Variants in SH3KBP1 observed in about 807,000 individuals in gnomAD.
SH3KBP1 encodes SH3 domain-containing kinase-binding protein 1.
In SH3KBP1, 8 loss-of-function variants were observed where a neutral mutation model predicts 50.1. That is an observed-to-expected ratio of 0.16 (90% CI 0.09 to 0.29). The LOEUF is 0.29. SH3KBP1 is among the 10% of genes least tolerant of loss of function. SH3KBP1 has a pLI of 1.00. For synonymous variants in SH3KBP1, 227 were observed against 218.6 expected, an observed-to-expected ratio of 1.04 and a Z score of -0.34; for missense variants, 377 against 535.2, an observed-to-expected ratio of 0.70 and a Z score of 2.92.
intron 3 of SH3KBP1, among the ~76,000 whole-genome samples, chrX:19,715,422 T>C (rs759901899): frequency 1.2e-3 from 130 of 111,888 alleles, no homozygotes; most frequent in South Asian, 8.5e-3. Context: ...TTCACTGTAC[T>C]ATTGTTTCAA....
intron 8 of SH3KBP1, among the ~76,000 whole-genome samples, chrX:19,618,067 C>T (rs747790723): frequency 9.9e-5 from 11 of 111,296 alleles, no homozygotes; most frequent in South Asian, 3.8e-4. Flanking sequence ...CCTCTGTGTG[C>T]TCAGCCTGTT....
chrX:19,864,122 C>T lies in SH3KBP1; in HGVS notation c.4+23185G>A, dbSNP rs1043652072. ...TGGGATCATCAAAACTCCAGGACCA[C>T]CCTACAGAGAAACAAGGTATCTGAC... On this transcript the variant is annotated intron_variant, in intron 1 of 17. Transcript: ENST00000397821. 4.5e-5 allele frequency among the ~76,000 whole-genome samples: 5 copies of T among 111,365 alleles called. No homozygotes were observed. In the Admixed American group the frequency reaches 4.8e-4, roughly 11 times the overall value.
chrX:19,723,781 CAG>C (rs2064141387), intron 3 of SH3KBP1, among the ~76,000 whole-genome samples: 1 of 111,353 alleles, frequency 9.0e-6, no homozygotes, highest in South Asian at 3.8e-4. Flanking sequence ...TTTAAAAGAG[CAG>C]AGAGGTGTAA....
At chrX:19,611,597 G>A (rs2067418858) in intron 8 of SH3KBP1, among the ~76,000 whole-genome samples, 2 of 110,740 alleles carry the variant, frequency 1.8e-5, no homozygotes, top group Non-Finnish European at 1.9e-5. Context: ...CAGGTGATTC[G>A]CCCACCTTGG....
intron 2 of SH3KBP1, among the ~76,000 whole-genome samples, chrX:19,796,084 A>C (rs1305348909): frequency 1.8e-5 from 2 of 111,907 alleles, no homozygotes; most frequent in East Asian, 5.6e-4. Context: ...GGCATCACAC[A>C]CAGTGAAGGC....
At chrX:19,862,592 T>G (rs1364179202) in intron 1 of SH3KBP1, among the ~76,000 whole-genome samples, 2 of 111,261 alleles carry the variant, frequency 1.8e-5, no homozygotes, top group Non-Finnish European at 3.8e-5. Flanking sequence ...GTGTCTTATC[T>G]TTCTTAGTGC....
intron 3 of SH3KBP1, among the ~76,000 whole-genome samples, chrX:19,722,531 G>GGTGTGTGTGTGT (rs59121045): frequency 6.9e-5 from 7 of 101,036 alleles, no homozygotes; most frequent in African/African-American, 2.6e-4. Flanking sequence ...CAGCTGCACT[G>GGTGTGTGTGTGT]GTGTGTGTGT....
chrX:19,756,426 G>A (rs756608252), intron 2 of SH3KBP1, among the ~76,000 whole-genome samples: 1 of 110,635 alleles, frequency 9.0e-6, no homozygotes, highest in Non-Finnish European at 1.9e-5. Context: ...TTTAGGGAGG[G>A]ATGTACCTAA....
At chrX:19,688,324 A>G (rs180736745) in intron 5 of SH3KBP1, among the ~76,000 whole-genome samples, 4 of 111,578 alleles carry the variant, frequency 3.6e-5, no homozygotes, top group African/African-American at 1.3e-4. Flanking sequence ...CATCCACATA[A>G]ACATACGGGG....
At chrX:19,855,577 A>G (rs764994668) in intron 1 of SH3KBP1, among the ~76,000 whole-genome samples, 6 of 111,980 alleles carry the variant, frequency 5.4e-5, no homozygotes, top group Non-Finnish European at 1.9e-5. Context: ...TCCTTAAGAG[A>G]AAGGACCAGG....
intron 7 of SH3KBP1, among the ~76,000 whole-genome samples, chrX:19,632,799 C>A (rs2061607957): frequency 8.9e-6 from 1 of 112,516 alleles, no homozygotes; most frequent in Non-Finnish European, 1.9e-5. Flanking sequence ...GAAATGGAGA[C>A]TTGGAAAACT....
At chrX:19,762,085 T>G (rs936589397) in intron 2 of SH3KBP1, among the ~76,000 whole-genome samples, 2 of 112,483 alleles carry the variant, frequency 1.8e-5, no homozygotes, top group African/African-American at 6.5e-5. Context: ...CTGAGGAAAT[T>G]ATGACAATGA....
intron 14 of SH3KBP1, 132 bp from the exon 15 acceptor site, chrX:19,546,182 C>CAAAAAAAAAA: frequency 1.4e-6 from 1 of 732,775 alleles, no homozygotes; most frequent in Admixed American, 3.2e-5. Flanking sequence ...CCCTGTGAGG[C>CAAAAAAAAAA]AAAAAAGTGT....
Position 19,876,489 on chromosome X carries a change from G to A in SH3KBP1, c.4+10818C>T, listed in dbSNP as rs377500805. ...GAGCAGTCTCCTGGAGAACTTTTCC[G>A]AAGTCCACCTATCCCTCCATCAAAA... is the stretch of plus-strand genomic sequence containing the variant. On this transcript the variant is annotated intron_variant, in intron 1 of 17. Coordinates refer to ENST00000397821, the MANE Select transcript of SH3KBP1 (RefSeq NM_031892.3). Among the ~76,000 whole-genome samples, 41 of 111,864 alleles carry A rather than the reference G, an allele frequency of 3.7e-4. No homozygotes were observed. The East Asian group carries it at 8.7e-3, about 24-fold the overall frequency.
intron 1 of SH3KBP1, among the ~76,000 whole-genome samples, chrX:19,879,402 T>A (rs927584323): frequency 9.0e-6 from 1 of 111,641 alleles, no homozygotes; most frequent in African/African-American, 3.3e-5. Context: ...TAGGGGACCA[T>A]TGTCACTCTG....
intron 9 of SH3KBP1, among the ~76,000 whole-genome samples, chrX:19,601,870 G>A (rs1239266336): frequency 4.5e-5 from 5 of 111,177 alleles, no homozygotes; most frequent in African/African-American, 6.5e-5. Context: ...CCTGTCACCC[G>A]CACTGGAGAT....
chrX:19,861,866 G>A (rs1384473272), intron 1 of SH3KBP1, among the ~76,000 whole-genome samples: 2 of 112,003 alleles, frequency 1.8e-5, no homozygotes, highest in Non-Finnish European at 1.9e-5. Context: ...CTCATGCTCT[G>A]ACTTTCTCAA....
chrX:19,850,147 C>T (rs887108968), intron 1 of SH3KBP1, among the ~76,000 whole-genome samples: 1 of 111,430 alleles, frequency 9.0e-6, no homozygotes, highest in African/African-American at 3.3e-5. Context: ...ATGTATGTTT[C>T]AATATTTGAA....
intron 7 of SH3KBP1, among the ~76,000 whole-genome samples, chrX:19,632,173 A>T (rs1258430693): frequency 2.7e-5 from 3 of 111,060 alleles, no homozygotes; most frequent in Non-Finnish European, 5.7e-5. Context: ...TTTTCCCCTT[A>T]CAAATCATGT....
Sources: allele counts gnomAD v4.1 joint callset (sites outside exome capture counted in the v4.1 genomes callset), GRCh38; gene constraint gnomAD v4.1.1; transcripts MANE v1.5; gene names NCBI Gene and HGNC (gene_info 2026-07-23, HGNC 2026-07-21).